Variants in ANKRD11 observed in about 807,000 individuals in gnomAD.
ANKRD11 encodes ankyrin repeat domain-containing protein 11.
In ANKRD11, 17 loss-of-function variants were observed where a neutral mutation model predicts 195.7. That is an observed-to-expected ratio of 0.09 (90% confidence interval 0.06 to 0.13). The LOEUF (loss-of-function observed/expected upper bound fraction) is 0.13, where lower values mean the gene tolerates loss of function less well. Ranked by LOEUF, ANKRD11 falls within the 10% of genes least tolerant of loss-of-function variation. The pLI, the probability that ANKRD11 is intolerant of heterozygous loss-of-function variation, is 1.00. For synonymous variants in ANKRD11, 1,953 were observed against 1,528.1 expected (o/e 1.28, Z -6.49); for missense variants, 3,735 against 3,566.1 (o/e 1.05, Z -1.21).
At chr16:89,463,394 C>T (rs2056769568) in intron 1 of ANKRD11, among the ~76,000 whole-genome samples, 1 of 152,218 alleles carries the variant, frequency 6.6e-6, no homozygotes, top group South Asian at 2.1e-4. Flanking sequence ...CTCTCTGAAA[C>T]ATGTGCTGTG....
intron 2 of ANKRD11, among the ~76,000 whole-genome samples, chr16:89,339,573 A>G (rs1211586975): frequency 1.3e-5 from 2 of 152,222 alleles, no homozygotes; most frequent in East Asian, 3.8e-4. Context: ...ATGGGTTATT[A>G]TATTTTATAA....
chr16:89,364,973 T>G (rs1470073528), intron 2 of ANKRD11, among the ~76,000 whole-genome samples: 1 of 152,346 alleles, frequency 6.6e-6, no homozygotes, highest in South Asian at 2.1e-4. Flanking sequence ...TTTTCAAATT[T>G]TGGCATGGAA....
At chr16:89,344,413 C>A (rs533625681) in intron 2 of ANKRD11, among the ~76,000 whole-genome samples, 1 of 152,184 alleles carries the variant, frequency 6.6e-6, no homozygotes, top group African/African-American at 2.4e-5. Context: ...ACTCCAGACC[C>A]CGTCAGGGCC....
chr16:89,404,796 T>G (rs1274402874), intron 2 of ANKRD11, among the ~76,000 whole-genome samples: 1 of 152,234 alleles, frequency 6.6e-6, no homozygotes, highest in Admixed American at 6.5e-5. Flanking sequence ...ATTCTGAGGA[T>G]GAAGGCATCA....
In ANKRD11 at chr16:89,268,394, G is replaced by A. The variant is rs1259852072; in HGVS notation, c.*84C>T. ...CTCTCCCCGCCCGGGTGGACAGGGC[G>A]CTCCCTCCTCCGCCCCTGGGGCTCA... On this transcript the variant is annotated 3_prime_UTR_variant, in exon 13 of 13. Coordinates refer to ENST00000301030, the MANE Select transcript of ANKRD11 (RefSeq NM_013275.6). 7.9e-6 allele frequency: 5 copies of A among 633,408 alleles called. No individual in the cohort carries two copies. Among genetic ancestry groups the A allele is most frequent in the Middle Eastern group, 4.1e-4 (1 of 2,468 alleles). 39.2% of individuals were successfully genotyped at this position (633,408 alleles called of 1,614,324 possible). A position where few individuals can be genotyped will look rare whatever the true frequency, so the allele number is the denominator to read the frequency against.
Position 89,274,986 on chromosome 16 carries a change from G to A in ANKRD11, c.7570-29C>T, listed in dbSNP as rs371515678. 46 of 1,612,648 alleles carry A rather than the reference G, an allele frequency of 2.9e-5. No homozygotes were observed. The African/African-American group carries it at 4.5e-4, about 16-fold the overall frequency. On this transcript the variant is annotated intron_variant, in intron 10 of 12. Transcript: ENST00000301030. ...AAGGAGGAGAGGAGTAGAGTGAGCT[G>A]GGACACAGCCACGCTCCAGGCCCCA...
chr16:89,424,456 G>A (rs1413095911), intron 1 of ANKRD11, among the ~76,000 whole-genome samples: 3 of 150,108 alleles, frequency 2.0e-5, no homozygotes, highest in Non-Finnish European at 3.0e-5. Flanking sequence ...AAAAAAAAGA[G>A]AGAGAAAGAA....
chr16:89,296,660 C>G (rs904396412), intron 4 of ANKRD11, among the ~76,000 whole-genome samples: 2 of 152,216 alleles, frequency 1.3e-5, no homozygotes, highest in Non-Finnish European at 1.5e-5. Flanking sequence ...TGGGGCTGAC[C>G]CCTGCTGACC....
chr16:89,280,653 G>T lies in ANKRD11; in HGVS notation c.5889C>A (p.Ile1963=). The T allele has an allele frequency of 1.2e-6, 2 of 1,613,474 alleles. No homozygotes were observed. Among genetic ancestry groups the T allele is most frequent in the Non-Finnish European group, 1.7e-6 (2 of 1,179,958 alleles). Residue 1963 remains isoleucine, a synonymous_variant, in exon 9 of 13, where the codon ATC becomes ATA. Transcript: ENST00000301030. ...TCACAGGGTTTTCAGAGGTGCCCCC[G>T]ATCAGGCTAGAGGCAAGCGCCTGCT... ...PSEQALASSL[I]GGTSENPVSW... is the part of the protein sequence containing the mutation.
chr16:89,442,634 G>A (rs1022285764), intron 1 of ANKRD11, among the ~76,000 whole-genome samples: 1 of 152,178 alleles, frequency 6.6e-6, no homozygotes, highest in Non-Finnish European at 1.5e-5. Flanking sequence ...TAAAGCTGAA[G>A]CTCCAGGGAG....
chr16:89,381,411 C>A (rs1453147587), intron 2 of ANKRD11, among the ~76,000 whole-genome samples: 1 of 151,282 alleles, frequency 6.6e-6, no homozygotes, highest in Non-Finnish European at 1.5e-5. Flanking sequence ...CCAAGAAACT[C>A]CCAGACACCA....
At chr16:89,397,360 T>C (rs2041485706) in intron 2 of ANKRD11, among the ~76,000 whole-genome samples, 1 of 152,218 alleles carries the variant, frequency 6.6e-6, no homozygotes, top group Admixed American at 6.5e-5. Flanking sequence ...TGGATGCGCA[T>C]TTACAAAATC....
intron 2 of ANKRD11, among the ~76,000 whole-genome samples, chr16:89,357,615 G>A (rs1046772835): frequency 1.3e-5 from 2 of 152,214 alleles, no homozygotes; most frequent in African/African-American, 4.8e-5. Flanking sequence ...GCAAACCCGA[G>A]TGTCCCCTGG....
chr16:89,275,988 G>A (rs569978127), intron 9 of ANKRD11, among the ~76,000 whole-genome samples: 14 of 152,218 alleles, frequency 9.2e-5, no homozygotes, highest in Non-Finnish European at 2.1e-4. Flanking sequence ...ATGGCCGTGT[G>A]CTCGGGGCCA....
intron 2 of ANKRD11, among the ~76,000 whole-genome samples, chr16:89,359,888 T>C (rs543822347): frequency 6.6e-5 from 10 of 152,180 alleles, no homozygotes; most frequent in Admixed American, 3.9e-4. Flanking sequence ...CAGCATCACA[T>C]AGTTTATATG....
chr16:89,422,580 C>T (rs369229188), intron 1 of ANKRD11, among the ~76,000 whole-genome samples: 2 of 152,164 alleles, frequency 1.3e-5, no homozygotes, highest in African/African-American at 4.8e-5. Flanking sequence ...CCCAATCGCA[C>T]CCCACCTCTT....
In ANKRD11 at chr16:89,282,720, G is replaced by A. The variant is rs61741725; in HGVS notation, c.3822C>T (p.Ala1274=). 0.039 allele frequency: 62,938 copies of A among 1,613,692 alleles called. 1,594 individuals are homozygous for A. The highest frequency in any genetic ancestry group is 0.063 in the East Asian group (2,808 of 44,862). ...HSKERKSSRS[A]DAEKSLLEKL... ...TTTCAAGCAGGCTTTTTTCCGCGTC[G>A]GCACTTCTCGAGGACTTCCTCTCCT... The change falls in exon 9 of 13, where the codon GCC becomes GCT. Residue 1274 remains alanine (A), a synonymous_variant. Coordinates refer to ENST00000301030, the MANE Select transcript of ANKRD11 (RefSeq NM_013275.6).
chr16:89,461,356 T>G (rs1052737424), intron 1 of ANKRD11, among the ~76,000 whole-genome samples: 2 of 151,994 alleles, frequency 1.3e-5, no homozygotes, highest in Non-Finnish European at 2.9e-5. Flanking sequence ...GGGATGGTGG[T>G]GATGGCTTTG....
intron 3 of ANKRD11, among the ~76,000 whole-genome samples, chr16:89,309,494 A>C (rs1413682305): frequency 2.6e-5 from 4 of 152,212 alleles, no homozygotes; most frequent in African/African-American, 9.7e-5. Context: ...TCTATAGTTC[A>C]CTTTAAAAGT....
Sources: allele counts gnomAD v4.1 joint callset (sites outside exome capture counted in the v4.1 genomes callset), GRCh38; gene constraint gnomAD v4.1.1; transcripts MANE v1.5; gene names NCBI Gene and HGNC (gene_info 2026-07-23, HGNC 2026-07-21).